The following CLN3 variants were observed in gnomAD, a reference collection of about 807,000 sequenced individuals.
CLN3 encodes the protein battenin.
Under a neutral mutation model 60.7 loss-of-function variants are expected in CLN3, and 49 were observed. The ratio of observed to expected loss-of-function variants is 0.81; its 90% CI spans 0.64 to 1.02. The LOEUF (loss-of-function observed/expected upper bound fraction) is 1.02. Among genes scored for constraint, CLN3 ranks in the 50% least tolerant of loss-of-function variants. The pLI is 0.00. For missense variants in CLN3, 516 were observed against 557.4 expected, an observed-to-expected ratio of 0.93 and a Z score of 0.75; for synonymous variants, 256 against 245.8, an observed-to-expected ratio of 1.04 and a Z score of -0.39.
At chr16:28,488,112 C>T in intron 5 of CLN3, 1 of 236,624 alleles carries the variant, frequency 4.2e-6, no homozygotes, top group Non-Finnish European at 8.5e-6. Flanking sequence ...TCGATCTTGG[C>T]TCACTACAAC....
downstream of CLN3, among the ~76,000 whole-genome samples, chr16:28,472,916 C>T (rs902053000): frequency 6.6e-5 from 10 of 151,374 alleles, no homozygotes; most frequent in South Asian, 4.2e-4. Flanking sequence ...GGATTACAGG[C>T]GTGAGCCACT....
At position 28,477,482 on chromosome 16, in the gene CLN3, G is replaced by A. The variant is rs1405551970; in HGVS notation, c.*34C>T. ...GTCTGACCTGTCCCTCTGCCCACAG[G>A]TGAATGTGACCTGCGTCCTGAGGAT... is the stretch of plus-strand genomic sequence containing the variant. On this transcript the variant is annotated 3_prime_UTR_variant, in exon 16 of 16. Transcript: ENST00000636147. The A allele has an allele frequency of 1.9e-6, 3 of 1,611,932 alleles. No homozygotes were observed. Among genetic ancestry groups the A allele is most frequent in the South Asian group, 1.1e-5 (1 of 90,986 alleles).
At chr16:28,481,453 C>T (rs985696955) in intron 14 of CLN3, among the ~76,000 whole-genome samples, 6 of 131,246 alleles carry the variant, frequency 4.6e-5, no homozygotes, top group South Asian at 2.4e-4. Flanking sequence ...CACACACACA[C>T]GCACACACAC....
chr16:28,492,030 A>C lies in CLN3; in HGVS notation c.-87T>G. ...CCCTGAGGCCTGTACCTTTAAGAGC[A>C]GCAGAATGTTCTGCACTATGCAGAG... On this transcript the variant is annotated 5_prime_UTR_variant, in exon 1 of 16. Coordinates refer to ENST00000636147, the MANE Select transcript of CLN3 (RefSeq NM_001042432.2). The C allele has an allele frequency of 1.7e-6, 1 of 585,376 alleles. No individual in the cohort carries two copies. The highest frequency in any genetic ancestry group is 3.1e-6 in the Non-Finnish European group (1 of 327,670). The allele number at this position is 585,376 out of a possible 1,614,324, so 36.3% of individuals were successfully genotyped here.
chr16:28,477,246 G>A (rs1474272724), downstream of CLN3: 12 of 511,876 alleles, frequency 2.3e-5, no homozygotes, highest in East Asian at 3.9e-4. Flanking sequence ...CATAATAAAA[G>A]TTTCTTTTTA....
rs766238150 is a variant in CLN3, at chr16:28,478,617, T to TAAAAAAAAAAAA, written c.1057-752_1057-741dup. Among the ~76,000 whole-genome samples the TAAAAAAAAAAAA allele has an allele frequency of 2.7e-4, 20 of 74,352 alleles. 1 individual carries two copies. The highest frequency in any genetic ancestry group is 1.3e-3 in the African/African-American group (17 of 13,096). 48.8% of individuals were successfully genotyped at this position (74,352 alleles called of 152,430 possible). On this transcript the variant is annotated intron_variant, in intron 14 of 15. Transcript: ENST00000636147. ...GGTGACAGAGCAAGATCCTGTCTCA[T>TAAAAAAAAAAAA]AAAAAAAAAAAAAAAAAAAAAAAAA...
In CLN3 at chr16:28,477,799, G is replaced by C; in HGVS notation, c.1135C>G (p.Leu379Val). The C allele has an allele frequency of 6.2e-7, 1 of 1,614,224 alleles. No individual in the cohort carries two copies. The highest frequency in any genetic ancestry group is 1.3e-5 in the African/African-American group (1 of 75,066). ...GCGCCTCCCAGGAGCCCCTCATACA[G>C]AATGATCAGGAAGACGAGGTAGATG... is the stretch of plus-strand genomic sequence containing the variant. ...PSIYLVFLII[L>V]YEGLLGGAAY... The change falls in exon 15 of 16, where the codon CTG (leucine) becomes GTG (valine). Residue 379 changes from leucine (L) to valine (V), a missense_variant. Coordinates refer to ENST00000636147, the MANE Select transcript of CLN3 (RefSeq NM_001042432.2).
rs1311480802 is a variant in CLN3 at position 28,486,456 on chromosome 16, C to T, written c.568G>A (p.Gly190Arg). 6 of 1,613,268 alleles carry T rather than the reference C, an allele frequency of 3.7e-6. No individual in the cohort carries two copies. The African/African-American group carries it at 8.0e-5, about 22-fold the overall frequency. Residue 190 changes from glycine to arginine, a missense_variant, in exon 9 of 16, where the codon GGA (glycine) becomes AGA (arginine). Gly to Arg is a moderately radical substitution (Grantham distance 125). Transcript: ENST00000636147. Reference protein sequence around the residue: ...VISWWSSGTGGAGLLGALSYL... With the variant: ...VISWWSSGTGRAGLLGALSYL... ...GACAGGGCCCCCAGCAGCCCAGCTC[C>T]CCCAGTCCCTGAGGACCACCAGGAG...
At chr16:28,477,701 C>G (rs1353598199) in intron 15 of CLN3, 36 bp downstream of exon 15, 1 of 1,614,122 alleles carries the variant, frequency 6.2e-7, no homozygotes, top group South Asian at 1.1e-5. Flanking sequence ...TGTCCCTGGA[C>G]AGGCCACCCC....
intron 7 of CLN3, chr16:28,486,907 T>C: frequency 1.8e-6 from 1 of 556,888 alleles, no homozygotes; most frequent in South Asian, 2.0e-5. Flanking sequence ...TTCATCAGTC[T>C]TTTTCTTTTC....
chr16:28,477,783 A>G lies in CLN3; in HGVS notation c.1151T>C (p.Leu384Pro), dbSNP rs770221497. ...GGTGTTCACGTAGGCTGCGCCTCCC[A>G]GGAGCCCCTCATACAGAATGATCAG... ...VFLIILYEGLLGGAAYVNTFH... is the reference protein window; with the variant it reads ...VFLIILYEGLPGGAAYVNTFH... Residue 384 changes from leucine to proline, a missense_variant, in exon 15 of 16, where the codon CTG (leucine) becomes CCG (proline). Physicochemically the swap from Leu to Pro is moderately conservative, Grantham distance 98. Transcript: ENST00000636147. 1.2e-6 allele frequency: 2 copies of G among 1,614,214 alleles called. No individual in the cohort carries two copies. Among genetic ancestry groups the G allele is most frequent in the Non-Finnish European group, 1.7e-6 (2 of 1,180,036 alleles).
chr16:28,482,659 G>C lies in CLN3; in HGVS notation c.804C>G (p.Ser268Arg). 6.2e-7 allele frequency: 1 copy of C among 1,614,206 alleles called. No homozygotes were observed. The highest frequency in any genetic ancestry group is 1.3e-5 in the African/African-American group (1 of 75,056). ...APESKPGSSS[S>R]LSLRERWTVF... ...CTGTCCACCTTTCCCGAAGGGAGAG[G>C]CTGGAGCTGGAGCCTGCAGGGGAAC... is the stretch of plus-strand genomic sequence containing the variant. The change falls in exon 11 of 16, where the codon AGC becomes AGG. Residue 268 changes from serine (S) to arginine (R), a missense_variant. Ser to Arg is a moderately radical substitution (Grantham distance 110, BLOSUM62 -1). Transcript: ENST00000636147.
chr16:28,488,360 G>T, intron 5 of CLN3: 1 of 350,296 alleles, frequency 2.9e-6, no homozygotes. Flanking sequence ...TTTTCTTTAA[G>T]ATGGGGGTCT....
At chr16:28,483,939 T>G (rs2046154643) in intron 10 of CLN3, 67 bp downstream of exon 10, 1 of 1,119,834 alleles carries the variant, frequency 8.9e-7, no homozygotes, top group Admixed American at 2.0e-5. Context: ...CTTTGCCTAT[T>G]GCAGAGAGGA....
At chr16:28,491,983 C>G (rs2046323275) in intron 1 of CLN3, 37 bp downstream of exon 1, 1 of 628,434 alleles carries the variant, frequency 1.6e-6, no homozygotes, top group African/African-American at 1.8e-5. Flanking sequence ...CGTACTCTCC[C>G]CCGCCCCGTC....
At chr16:28,468,794 G>A in the CLN3 span, among the ~76,000 whole-genome samples, 4 of 92,404 alleles carry the variant, frequency 4.3e-5, no homozygotes, top group Admixed American at 4.1e-4. Context: ...GTGACAGAGT[G>A]AGACTCTGTC....
chr16:28,487,229 T>G, intron 7 of CLN3: 1 of 607,884 alleles, frequency 1.6e-6, no homozygotes. Flanking sequence ...AGTCTTGACT[T>G]TGTTCACCTC....
At position 28,477,441 on chromosome 16, in the gene CLN3, T is replaced by TG. The variant is rs1231570826; in HGVS notation, c.*74dup. On this transcript the variant is annotated 3_prime_UTR_variant, in exon 16 of 16. Coordinates refer to ENST00000636147, the MANE Select transcript of CLN3 (RefSeq NM_001042432.2). ...GGGAGCACAGTTCATGGAGGGTCTC[T>TG]GGGGTGGGCCTGGGTGTCTGACCTG... is the stretch of plus-strand genomic sequence containing the variant. 6.3e-7 allele frequency: 1 copy of TG among 1,597,596 alleles called. No individual in the cohort carries two copies. The highest frequency in any genetic ancestry group is 1.3e-5 in the African/African-American group (1 of 74,584).
In CLN3 at chr16:28,487,444, C is replaced by A. The variant is rs1165834254; in HGVS notation, c.460+12G>T. ...TCGGGGCTCCCCATCTGACACAGAA[C>A]CACACACTCACCACACAGGCTGGTC... is the stretch of plus-strand genomic sequence containing the variant. On this transcript the variant is annotated intron_variant, in intron 7 of 15. Transcript: ENST00000636147. 1.2e-6 allele frequency: 2 copies of A among 1,610,634 alleles called. No homozygotes were observed. The highest frequency in any genetic ancestry group is 1.7e-4 in the Middle Eastern group (1 of 6,056).
Sources: gnomAD v4.1 joint callset for allele counts (sites outside exome capture counted in the v4.1 genomes callset) on GRCh38, gnomAD v4.1.1 for gene constraint, MANE v1.5 for transcripts, NCBI Gene and HGNC (gene_info 2026-07-23, HGNC 2026-07-21) for gene names.